The following MGAT5 variants were observed in gnomAD, a reference collection of about 807,000 sequenced individuals.
MGAT5 encodes the protein alpha-1,6-mannosylglycoprotein 6-beta-N-acetylglucosaminyltransferase A.
A neutral mutation model predicts 94.3 loss-of-function variants in MGAT5; 30 were observed. The ratio of observed to expected loss-of-function variants is 0.32; its 90% CI spans 0.24 to 0.43. The LOEUF (loss-of-function observed/expected upper bound fraction) is 0.43, where lower values mean the gene tolerates loss of function less well. Among genes scored for constraint, MGAT5 ranks in the 20% least tolerant of loss-of-function variants. The pLI, the probability that MGAT5 is intolerant of heterozygous loss-of-function variation, is 1.00. For missense variants in MGAT5, 691 were observed against 905.5 expected (o/e 0.76, Z 3.04); for synonymous variants, 310 against 322.9 (o/e 0.96, Z 0.43).
intron 10 of MGAT5, among the ~76,000 whole-genome samples, chr2:134,376,562 C>T (rs1325919212): frequency 6.6e-6 from 1 of 152,202 alleles, no homozygotes; most frequent in Non-Finnish European, 1.5e-5. Context: ...CGATCCCTCA[C>T]TATTTGGACC....
At chr2:134,161,463 T>C (rs1228574856) in intron 1 of MGAT5, among the ~76,000 whole-genome samples, 1 of 152,204 alleles carries the variant, frequency 6.6e-6, no homozygotes, top group African/African-American at 2.4e-5. Context: ...TGCCCTCATC[T>C]TGTCTCCCCT....
At chr2:134,365,227 T>G (rs1680350571) in intron 10 of MGAT5, among the ~76,000 whole-genome samples, 1 of 152,188 alleles carries the variant, frequency 6.6e-6, no homozygotes, top group Non-Finnish European at 1.5e-5. Context: ...AAATCCTGCT[T>G]CACTCTTCCC....
At chr2:134,279,504 A>T (rs1028994982) in intron 2 of MGAT5, among the ~76,000 whole-genome samples, 1 of 152,218 alleles carries the variant, frequency 6.6e-6, no homozygotes, top group African/African-American at 2.4e-5. Flanking sequence ...TGTTGGACTA[A>T]TTACTGACCC....
At chr2:134,384,195 T>C (rs901334147) in intron 10 of MGAT5, among the ~76,000 whole-genome samples, 3 of 137,616 alleles carry the variant, frequency 2.2e-5, no homozygotes, top group African/African-American at 8.0e-5. Flanking sequence ...AAGACTAAAA[T>C]ATTTATTATC....
chr2:134,276,601 A>C (rs534342190), intron 2 of MGAT5, among the ~76,000 whole-genome samples: 1 of 152,298 alleles, frequency 6.6e-6, no homozygotes, highest in South Asian at 2.1e-4. Context: ...GAGACTAGAG[A>C]GTTAATTGGG....
At chr2:134,291,235 T>C (rs983596155) in intron 2 of MGAT5, among the ~76,000 whole-genome samples, 77 of 152,256 alleles carry the variant, frequency 5.1e-4, no homozygotes, top group African/African-American at 1.8e-3. Context: ...CTGGGGCCTT[T>C]GGGAGGTGAT....
At chr2:134,414,832 T>C (rs1020247149) in intron 12 of MGAT5, among the ~76,000 whole-genome samples, 2 of 152,200 alleles carry the variant, frequency 1.3e-5, no homozygotes, top group Admixed American at 6.5e-5. Context: ...TTACTGTGAG[T>C]TGAACTGTGA....
intron 10 of MGAT5, among the ~76,000 whole-genome samples, chr2:134,370,944 T>G (rs1298313847): frequency 6.6e-6 from 1 of 152,168 alleles, no homozygotes; most frequent in Non-Finnish European, 1.5e-5. Context: ...TGTATGTGAG[T>G]AGGAATAAGT....
intron 1 of MGAT5, among the ~76,000 whole-genome samples, chr2:134,179,719 C>T (rs1688645265): frequency 6.6e-6 from 1 of 152,200 alleles, no homozygotes; most frequent in Admixed American, 6.5e-5. Flanking sequence ...TTTTACACTT[C>T]TGAATCTGTC....
At chr2:134,197,543 CGAT>C (rs2105265068) in intron 1 of MGAT5, among the ~76,000 whole-genome samples, 1 of 152,270 alleles carries the variant, frequency 6.6e-6, no homozygotes, top group East Asian at 1.9e-4. Flanking sequence ...GAGTCAAAGA[CGAT>C]GATGTCGGCC....
chr2:134,419,809 G>A (rs1050256573), intron 12 of MGAT5, among the ~76,000 whole-genome samples: 2 of 152,160 alleles, frequency 1.3e-5, no homozygotes, highest in African/African-American at 4.8e-5. Flanking sequence ...AATAAGCAGA[G>A]ACCTTAAAAG....
At chr2:134,385,148 A>G (rs767167006) in intron 10 of MGAT5, among the ~76,000 whole-genome samples, 41 of 152,218 alleles carry the variant, frequency 2.7e-4, no homozygotes, top group Non-Finnish European at 5.6e-4. Flanking sequence ...TGTGCTGGAG[A>G]AAAATGGTTA....
At chr2:134,273,576 A>C (rs1340601145) in intron 2 of MGAT5, among the ~76,000 whole-genome samples, 1 of 151,976 alleles carries the variant, frequency 6.6e-6, no homozygotes, top group Non-Finnish European at 1.5e-5. Context: ...GTACCATAGC[A>C]ATTGAAGAAG....
chr2:134,243,954 G>T (rs1483830531), intron 1 of MGAT5, among the ~76,000 whole-genome samples: 5 of 152,152 alleles, frequency 3.3e-5, no homozygotes, highest in African/African-American at 1.2e-4. Context: ...AATAAGTGTG[G>T]TGATTTTTGT....
At chr2:134,123,555 G>C (rs1685712285) in intron 1 of MGAT5, among the ~76,000 whole-genome samples, 1 of 152,204 alleles carries the variant, frequency 6.6e-6, no homozygotes, top group Non-Finnish European at 1.5e-5. Context: ...TGTGTCATGG[G>C]CTCCTGGCCC....
intron 1 of MGAT5, among the ~76,000 whole-genome samples, chr2:134,245,715 G>A (rs985182242): frequency 6.6e-6 from 1 of 152,170 alleles, no homozygotes; most frequent in African/African-American, 2.4e-5. Flanking sequence ...AGCTGGGGTA[G>A]GTGTGGCAGA....
At chr2:134,371,805 C>G (rs1573943486) in intron 10 of MGAT5, among the ~76,000 whole-genome samples, 1 of 152,142 alleles carries the variant, frequency 6.6e-6, no homozygotes, top group Non-Finnish European at 1.5e-5. Flanking sequence ...CCAGGCAGGA[C>G]TCTGACATGG....
intron 1 of MGAT5, among the ~76,000 whole-genome samples, chr2:134,168,354 T>A (rs1406950923): frequency 6.6e-6 from 1 of 152,150 alleles, no homozygotes; most frequent in Admixed American, 6.5e-5. Context: ...GCAGTATTAG[T>A]GAGTTGGGAC....
chr2:134,422,923 G>A lies in MGAT5; in HGVS notation c.1794+4G>A. On this transcript the variant is annotated splice_donor_region_variant and intron_variant, in intron 13 of 15. Coordinates refer to ENST00000281923, the MANE Select transcript of MGAT5 (RefSeq NM_002410.5). ...GAAAGCAATTTTAAATCAGAAGGTT[G>A]GTTCATTTTATTCCACTTTCCCTCC... 1 of 1,604,568 alleles carries A rather than the reference G, an allele frequency of 6.2e-7. No individual in the cohort carries two copies. The highest frequency in any genetic ancestry group is 8.5e-7 in the Non-Finnish European group (1 of 1,171,656).
Sources: gnomAD v4.1 joint callset for allele counts (sites outside exome capture counted in the v4.1 genomes callset) on GRCh38, gnomAD v4.1.1 for gene constraint, MANE v1.5 for transcripts, NCBI Gene and HGNC (gene_info 2026-07-23, HGNC 2026-07-21) for gene names.